The following SLC25A20 variants were observed in gnomAD, a reference collection of about 807,000 sequenced individuals.
SLC25A20 encodes solute carrier family 25 member 20.
SLC25A20 carries 29 observed loss-of-function variants against 39.7 expected under a neutral mutation model. The observed-to-expected ratio is 0.73, with a 90% CI of 0.54 to 1.00. The LOEUF is 1.00. SLC25A20 is among the 50% of genes least tolerant of loss of function. The pLI is 0.00. For synonymous variants in SLC25A20, 103 were observed against 142.2 expected (o/e 0.72, Z 1.96); for missense variants, 333 against 379.9 (o/e 0.88, Z 1.03).
chr3:48,889,775 TG>T (rs2083859767), intron 2 of SLC25A20, among the ~76,000 whole-genome samples: 1 of 152,206 alleles, frequency 6.6e-6, no homozygotes, highest in Non-Finnish European at 1.5e-5. Context: ...GAGATGATCA[TG>T]GACATTATCA....
In SLC25A20 at chr3:48,863,473, C is replaced by T. The variant is rs553924770; in HGVS notation, c.418-814G>A. 3.3e-5 allele frequency among the ~76,000 whole-genome samples: 5 copies of T among 152,244 alleles called. No individual in the cohort carries two copies. The East Asian group carries it at 5.8e-4, about 18-fold the overall frequency. The stretch of plus-strand genomic sequence containing the variant: ...GAGGGCCAAAGAGAGGCTCCTACCC[C>T]GCCCCTGAGAGCCAAGAACCTGGGG... On this transcript the variant is annotated intron_variant, in intron 4 of 8. Coordinates refer to ENST00000319017, the MANE Select transcript of SLC25A20 (RefSeq NM_000387.6).
At chr3:48,871,991 T>TC (rs1434113145) in intron 4 of SLC25A20, among the ~76,000 whole-genome samples, 1 of 138,600 alleles carries the variant, frequency 7.2e-6, no homozygotes, top group African/African-American at 2.7e-5. Flanking sequence ...AATTTTTTTT[T>TC]TTTTTTTTTT....
chr3:48,896,225 G>A (rs1420787534), intron 1 of SLC25A20, among the ~76,000 whole-genome samples: 3 of 150,196 alleles, frequency 2.0e-5, no homozygotes. Flanking sequence ...CTGTTGCCCA[G>A]AATGGAGTGC....
chr3:48,868,352 G>A (rs1268854188), intron 4 of SLC25A20, among the ~76,000 whole-genome samples: 6 of 152,074 alleles, frequency 3.9e-5, no homozygotes, highest in Non-Finnish European at 7.3e-5. Flanking sequence ...AGGGAAAAGA[G>A]CGATGGACAA....
intron 1 of SLC25A20, 99 bp downstream of exon 1, chr3:48,898,591 T>C: frequency 9.4e-7 from 1 of 1,064,328 alleles, no homozygotes; most frequent in Non-Finnish European, 1.4e-6. Flanking sequence ...AGCTCACACA[T>C]GCCCCTCTTC....
chr3:48,886,308 T>A (rs1208244815), intron 2 of SLC25A20, among the ~76,000 whole-genome samples: 4 of 152,118 alleles, frequency 2.6e-5, no homozygotes, highest in Admixed American at 6.6e-5. Flanking sequence ...GCGGATCACC[T>A]GAGGTCGGGA....
rs774897635 is a variant in SLC25A20, at chr3:48,884,090, G to A, written c.233C>T (p.Pro78Leu). Reference sequence around the variant, plus strand: ...AAACATGGGAGTGACCCCGATGATAGGGGCAGCCATTCCCCGATATAGCCC... The same window carrying A: ...AAACATGGGAGTGACCCCGATGATAAGGGCAGCCATTCCCCGATATAGCCC... ...ITGLYRGMAA[P>L]IIGVTPMFAV... is the part of the protein sequence containing the mutation. Residue 78 changes from proline (P) to leucine (L), a missense_variant, in exon 3 of 9, where the codon CCT becomes CTT. Pro to Leu is a moderately conservative substitution (Grantham distance 98). Coordinates refer to ENST00000319017, the MANE Select transcript of SLC25A20 (RefSeq NM_000387.6). The A allele has an allele frequency of 3.7e-6, 6 of 1,613,784 alleles. No homozygotes were observed. The highest frequency in any genetic ancestry group is 2.7e-5 in the African/African-American group (2 of 75,016).
At position 48,858,528 on chromosome 3, in the gene SLC25A20, G is replaced by T. The variant is rs775899612; in HGVS notation, c.822C>A (p.Ile274=). The part of the protein sequence containing the change: ...SLYKGFNAVM[I]RAFPANAACF... The stretch of plus-strand genomic sequence containing the variant: ...TCACCGCATTGGCTGGGAAGGCTCG[G>T]ATCATCACTGCATTGAACCCTTTGT... Residue 274 remains isoleucine, a synonymous_variant, in exon 8 of 9, where the codon ATC becomes ATA. Coordinates refer to ENST00000319017, the MANE Select transcript of SLC25A20 (RefSeq NM_000387.6). The T allele has an allele frequency of 6.2e-7, 1 of 1,614,148 alleles. No individual in the cohort carries two copies. The highest frequency in any genetic ancestry group is 8.5e-7 in the Non-Finnish European group (1 of 1,180,028).
At chr3:48,872,539 G>C (rs1230838291) in intron 4 of SLC25A20, among the ~76,000 whole-genome samples, 1 of 151,652 alleles carries the variant, frequency 6.6e-6, no homozygotes, top group African/African-American at 2.4e-5. Context: ...AAAGAACTCT[G>C]TCCTACTACT....
In SLC25A20 at chr3:48,876,985, A is replaced by G. The variant is rs144943025; in HGVS notation, c.417+2373T>C. ...GTGGTGGGCGCCTGTAGTCCCACCTACTAGGGAGGCTGAGGCAGGAGAATC... is the reference window on the plus strand; with the variant it reads ...GTGGTGGGCGCCTGTAGTCCCACCTGCTAGGGAGGCTGAGGCAGGAGAATC... On this transcript the variant is annotated intron_variant, in intron 4 of 8. Transcript: ENST00000319017. 8.9e-3 allele frequency among the ~76,000 whole-genome samples: 1,351 copies of G among 152,084 alleles called. 10 individuals are homozygous for G. Among genetic ancestry groups the G allele is most frequent in the Non-Finnish European group, 0.014 (958 of 67,964 alleles).
intron 4 of SLC25A20, among the ~76,000 whole-genome samples, chr3:48,867,755 A>G (rs571151337): frequency 6.6e-6 from 1 of 151,604 alleles, no homozygotes; most frequent in Admixed American, 6.6e-5. Flanking sequence ...AGCACAGGCC[A>G]TCCTTGGTAG....
chr3:48,895,751 A>G (rs1362004483), intron 1 of SLC25A20: 4 of 456,436 alleles, frequency 8.8e-6, no homozygotes, highest in African/African-American at 2.0e-5. Flanking sequence ...AGAGGCCACC[A>G]TACCTTTACA....
intron 4 of SLC25A20, among the ~76,000 whole-genome samples, chr3:48,878,510 A>T (rs904831378): frequency 5.4e-5 from 8 of 148,972 alleles, no homozygotes; most frequent in African/African-American, 2.0e-4. Flanking sequence ...ATTTTAAAAA[A>T]TTTTTGGGGC....
intron 4 of SLC25A20, among the ~76,000 whole-genome samples, chr3:48,864,798 C>T (rs553733887): frequency 6.6e-6 from 1 of 151,992 alleles, no homozygotes; most frequent in Non-Finnish European, 1.5e-5. Context: ...TCCAGGACAG[C>T]GATGAAGGTG....
chr3:48,898,744 G>A lies in SLC25A20; in HGVS notation c.51C>T (p.Gly17=), dbSNP rs956346285. The change falls in exon 1 of 9, where the codon GGC becomes GGT. Residue 17 remains glycine (G), a synonymous_variant. Transcript: ENST00000319017. ...PISPLKNLLA[G]GFGGVCLVFV... ...ACACCAGGCACACGCCGCCAAAGCC[G>A]CCGGCCAGCAGGTTCTTGAGCGGGC... is the stretch of plus-strand genomic sequence containing the variant. 6.2e-7 allele frequency: 1 copy of A among 1,608,376 alleles called. No individual in the cohort carries two copies. The highest frequency in any genetic ancestry group is 8.5e-7 in the Non-Finnish European group (1 of 1,177,828).
intron 2 of SLC25A20, 45 bp from the exon 3 acceptor site, chr3:48,884,169 C>A: frequency 1.9e-6 from 3 of 1,610,748 alleles, no homozygotes; most frequent in Non-Finnish European, 2.5e-6. Flanking sequence ...GACACCACCA[C>A]CTTTTAAATC....
At chr3:48,865,348 G>A (rs965147149) in intron 4 of SLC25A20, among the ~76,000 whole-genome samples, 1 of 151,812 alleles carries the variant, frequency 6.6e-6, no homozygotes, top group Non-Finnish European at 1.5e-5. Context: ...GGATGGTCTC[G>A]ATCTCTTGAC....
intron 4 of SLC25A20, among the ~76,000 whole-genome samples, chr3:48,876,671 C>A (rs1278201961): frequency 6.6e-6 from 1 of 151,564 alleles, no homozygotes; most frequent in Non-Finnish European, 1.5e-5. Context: ...GTGATCCACC[C>A]GCCTCGACCT....
At chr3:48,884,248 C>G in intron 2 of SLC25A20, 124 bp from the exon 3 acceptor site, 2 of 1,206,248 alleles carry the variant, frequency 1.7e-6, no homozygotes, top group Non-Finnish European at 2.4e-6. Context: ...GCAAGGAGAA[C>G]TTTAAATGGA....
Sources: gnomAD v4.1 joint callset for allele counts (sites outside exome capture counted in the v4.1 genomes callset) on GRCh38, gnomAD v4.1.1 for gene constraint, MANE v1.5 for transcripts, NCBI Gene and HGNC (gene_info 2026-07-23, HGNC 2026-07-21) for gene names.